Variants in SORBS2 observed in about 807,000 individuals in gnomAD.
SORBS2 encodes sorbin and SH3 domain containing 2, also known as sorbin and SH3 domain-containing protein 2.
Under a neutral mutation model 97.7 loss-of-function variants are expected in SORBS2, and 46 were observed. The observed-to-expected ratio is 0.47, with a 90% CI of 0.37 to 0.60. SORBS2 has a LOEUF of 0.60. Ranked by LOEUF, SORBS2 falls within the 20% of genes least tolerant of loss-of-function variation. The probability of loss-of-function intolerance (pLI) is 0.00; values close to 1 mark genes in which losing one functional copy is unlikely to be tolerated. For synonymous variants in SORBS2, 476 were observed against 473.4 expected, an observed-to-expected ratio of 1.01 and a Z score of -0.07; for missense variants, 1,316 against 1,282.3, an observed-to-expected ratio of 1.03 and a Z score of -0.40.
chr4:185,874,167 C>T (rs758042686), intron 1 of SORBS2, among the ~76,000 whole-genome samples: 2 of 152,088 alleles, frequency 1.3e-5, no homozygotes, highest in Admixed American at 6.5e-5. Flanking sequence ...GATTGAACTA[C>T]GGTTTGCTGA....
chr4:185,736,750 C>T (rs1394789894), intron 2 of SORBS2, among the ~76,000 whole-genome samples: 7 of 152,266 alleles, frequency 4.6e-5, no homozygotes, highest in African/African-American at 9.6e-5. Flanking sequence ...AAGGTTCACA[C>T]GTCTGTGTGT....
intron 1 of SORBS2, among the ~76,000 whole-genome samples, chr4:185,854,324 A>T (rs796203822): frequency 3.3e-5 from 5 of 152,306 alleles, no homozygotes; most frequent in African/African-American, 1.2e-4. Flanking sequence ...CTAAGAGGTC[A>T]CTGAAGTAGA....
intron 1 of SORBS2, among the ~76,000 whole-genome samples, chr4:185,789,439 C>A (rs2099070478): frequency 6.6e-6 from 1 of 151,188 alleles, no homozygotes; most frequent in African/African-American, 2.4e-5. Flanking sequence ...TATTATTTAG[C>A]AAAGTATAAT....
chr4:185,657,781 T>C (rs1183806176), upstream of SORBS2, among the ~76,000 whole-genome samples: 5 of 152,090 alleles, frequency 3.3e-5, no homozygotes. Context: ...AACAGACCTA[T>C]ACCAACAAGG....
intron 1 of SORBS2, chr4:185,932,988 A>G (rs749835790): frequency 6.6e-6 from 1 of 152,194 alleles, no homozygotes; most frequent in Non-Finnish European, 1.5e-5. Context: ...TTCTCCTAAA[A>G]ATGTCTTCCT....
chr4:185,673,364 G>C (rs1485157274), intron 4 of SORBS2, among the ~76,000 whole-genome samples: 2 of 152,158 alleles, frequency 1.3e-5, no homozygotes. Context: ...AACTGCAACA[G>C]CTTCATGCTA....
Position 185,874,182 on chromosome 4 carries a change from C to T in SORBS2, c.-338+82014G>A, listed in dbSNP as rs184762299. Among the ~76,000 whole-genome samples the T allele has an allele frequency of 8.9e-4, 135 of 152,260 alleles. 4 individuals are homozygous for T. Among genetic ancestry groups the T allele is most frequent in the Admixed American group, 8.8e-3 (135 of 15,304 alleles). On this transcript the variant is annotated intron_variant, in intron 1 of 20. Transcript: ENST00000284776. ...GATTGAACTACGGTTTGCTGAGGCG[C>T]TGGAACATAGTGTTGTGCCAAAAAT...
At chr4:185,851,885 G>C (rs2099218066) in intron 1 of SORBS2, among the ~76,000 whole-genome samples, 1 of 152,050 alleles carries the variant, frequency 6.6e-6, no homozygotes, top group African/African-American at 2.4e-5. Flanking sequence ...GCCTATTGTG[G>C]GGCCTTGTGA....
At chr4:185,829,601 A>T (rs904444) in intron 1 of SORBS2, among the ~76,000 whole-genome samples, 149,999 of 152,238 alleles carry the variant, frequency 0.99, 73,938 homozygotes, top group Middle Eastern at 1. Context: ...AAGAGATGAC[A>T]TTAAAGGAAT....
At chr4:185,728,909 C>T (rs957817990) in intron 2 of SORBS2, among the ~76,000 whole-genome samples, 6 of 152,172 alleles carry the variant, frequency 3.9e-5, no homozygotes, top group African/African-American at 1.2e-4. Flanking sequence ...TGGGTGCACA[C>T]GAGGAGCCAA....
intron 1 of SORBS2, among the ~76,000 whole-genome samples, chr4:185,952,032 T>C (rs2099277437): frequency 1.2e-5 from 1 of 81,608 alleles, no homozygotes; most frequent in South Asian, 5.3e-4. Context: ...AAATAGCTTC[T>C]TTTTTTTTTT....
chr4:185,903,481 T>C (rs2099248864), intron 1 of SORBS2, among the ~76,000 whole-genome samples: 1 of 152,306 alleles, frequency 6.6e-6, no homozygotes, highest in Admixed American at 6.5e-5. Flanking sequence ...AACAACATTG[T>C]GGGGAAGGCC....
intron 1 of SORBS2, among the ~76,000 whole-genome samples, chr4:185,851,452 C>T (rs1008605229): frequency 2.6e-5 from 4 of 152,056 alleles, no homozygotes; most frequent in Non-Finnish European, 5.9e-5. Flanking sequence ...CAGGAATAAG[C>T]AAGGGGTTGC....
At chr4:185,618,326 C>A (rs1411318219) in intron 9 of SORBS2, among the ~76,000 whole-genome samples, 2 of 152,164 alleles carry the variant, frequency 1.3e-5, no homozygotes, top group Non-Finnish European at 2.9e-5. Flanking sequence ...AACAAATATT[C>A]CTAAATTCTT....
intron 3 of SORBS2, among the ~76,000 whole-genome samples, chr4:185,648,922 T>C (rs1435966695): frequency 6.6e-6 from 1 of 152,162 alleles, no homozygotes. Context: ...CCAGTAAAAA[T>C]AACACAATAA....
At chr4:185,781,156 C>G (rs1012905183) in intron 1 of SORBS2, among the ~76,000 whole-genome samples, 8 of 152,202 alleles carry the variant, frequency 5.3e-5, no homozygotes, top group Middle Eastern at 3.4e-3. Flanking sequence ...AGGTTGGTCT[C>G]GAACTCCTAA....
chr4:185,709,304 C>CCTTTTTTTTTT lies in SORBS2; in HGVS notation c.-197-30483_-197-30482insAAAAAAAAAAG, dbSNP rs1554199361. ...GCATGAGCCGCTGTGCTGGCCAAATCTTTTTTTTTTTTTTTTTTTTAGTAA... is the reference window on the plus strand; with the variant it reads ...GCATGAGCCGCTGTGCTGGCCAAATCCTTTTTTTTTTTTTTTTTTTTTTTTTTTTTTAGTAA... On this transcript the variant is annotated intron_variant, in intron 2 of 20. Transcript: ENST00000284776. Among the ~76,000 whole-genome samples the CCTTTTTTTTTT allele has an allele frequency of 4.9e-4, 47 of 96,786 alleles. 7 individuals are homozygous for CCTTTTTTTTTT. The highest frequency in any genetic ancestry group is 2.4e-3 in the South Asian group (7 of 2,858). The allele number at this position is 96,786 out of a possible 152,430, so 63.5% of individuals were successfully genotyped here.
Position 185,607,318 on chromosome 4 carries a change from GTGGGAGGAGGGGC to G in SORBS2, c.2796+4449_2796+4461del, listed in dbSNP as rs1301679041. ...ATCTGAGCCAGGTGAGACTTTGTGGGTGGGAGGAGGGGCTGGTTCACTGGAAGCCAACTTGGAA... is the reference window on the plus strand; with the variant it reads ...ATCTGAGCCAGGTGAGACTTTGTGGGTGGTTCACTGGAAGCCAACTTGGAA... On this transcript the variant is annotated intron_variant, in intron 12 of 14. Coordinates refer to ENST00000418609, the Ensembl canonical transcript of SORBS2. The surrounding 1 kb of genome is among the most constrained non-coding windows in gnomAD (Gnocchi z 5.2). 1.6e-6 allele frequency: 2 copies of G among 1,287,052 alleles called. No individual in the cohort carries two copies. Among genetic ancestry groups the G allele is most frequent in the Admixed American group, 4.6e-5 (2 of 43,296 alleles). The allele number at this position is 1,287,052 out of a possible 1,614,324, so 79.7% of individuals were successfully genotyped here. A position where few individuals can be genotyped will look rare whatever the true frequency, so the allele number is the denominator to read the frequency against.
chr4:185,698,686 A>G (rs1383621735), intron 2 of SORBS2, among the ~76,000 whole-genome samples: 1 of 152,174 alleles, frequency 6.6e-6, no homozygotes, highest in Non-Finnish European at 1.5e-5. Context: ...TAAAATAAGA[A>G]CTGTTAACAT....
Sources: allele counts gnomAD v4.1 joint callset (sites outside exome capture counted in the v4.1 genomes callset), GRCh38; gene constraint gnomAD v4.1.1; non-coding constraint Gnocchi (gnomAD v3.1); transcripts MANE v1.5; gene names NCBI Gene and HGNC (gene_info 2026-07-23, HGNC 2026-07-21).